The following CADM2 variants were observed in gnomAD, a reference collection of about 807,000 sequenced individuals.
CADM2 encodes immunoglobulin superfamily member 4D.
A neutral mutation model predicts 49.8 loss-of-function variants in CADM2; 12 were observed. The observed-to-expected ratio is 0.24, with a 90% CI of 0.15 to 0.39. The LOEUF (loss-of-function observed/expected upper bound fraction) is 0.39, where lower values mean the gene tolerates loss of function less well. Ranked by LOEUF, CADM2 falls within the 10% of genes least tolerant of loss-of-function variation. The pLI is 1.00. For missense variants in CADM2, 378 were observed against 492.3 expected (o/e 0.77, Z 2.20); for synonymous variants, 214 against 175.4 (o/e 1.22, Z -1.74).
intron 8 of CADM2, among the ~76,000 whole-genome samples, chr3:85,971,798 A>G (rs940025939): frequency 6.6e-6 from 1 of 151,612 alleles, no homozygotes; most frequent in African/African-American, 2.4e-5. Context: ...AAATGCATAC[A>G]TTTTTTCAAA....
chr3:85,593,093 C>A (rs2063150952), intron 1 of CADM2, among the ~76,000 whole-genome samples: 2 of 151,936 alleles, frequency 1.3e-5, no homozygotes, highest in African/African-American at 4.8e-5. Context: ...TTTATTTGAA[C>A]ATGGCTTTTA....
At chr3:85,190,297 T>G (rs1223811564) in intron 1 of CADM2, among the ~76,000 whole-genome samples, 1 of 152,092 alleles carries the variant, frequency 6.6e-6, no homozygotes, top group African/African-American at 2.4e-5. Context: ...GTATTTTTCT[T>G]CTCTCCTTTT....
Position 85,359,671 on chromosome 3 carries a change from T to A in CADM2, c.62-366851T>A, listed in dbSNP as rs867006011. ...ATATATATATATATATATATATTTT[T>A]TTTTTTGGTGGAGGGGAGAAGACAA... On this transcript the variant is annotated intron_variant, in intron 1 of 9. Coordinates refer to ENST00000383699, the MANE Select transcript of CADM2 (RefSeq NM_001167675.2). Among the ~76,000 whole-genome samples, 526 of 119,290 alleles carry A rather than the reference T, an allele frequency of 4.4e-3. 7 individuals carry two copies. The highest frequency in any genetic ancestry group is 0.016 in the African/African-American group (513 of 32,306). 78.3% of individuals were successfully genotyped at this position (119,290 alleles called of 152,430 possible).
At chr3:85,766,702 T>C (rs774556367) in intron 2 of CADM2, among the ~76,000 whole-genome samples, 15 of 152,210 alleles carry the variant, frequency 9.9e-5, no homozygotes, top group Non-Finnish European at 1.8e-4. Context: ...TTTCCTGAAA[T>C]GCTTCTGATA....
chr3:85,067,768 A>G (rs1427918203), intron 1 of CADM2, among the ~76,000 whole-genome samples: 2 of 152,180 alleles, frequency 1.3e-5, no homozygotes, highest in African/African-American at 2.4e-5. Context: ...AATTAATCTA[A>G]GCTGCCTTTA....
intron 1 of CADM2, among the ~76,000 whole-genome samples, chr3:85,390,694 G>A (rs910455015): frequency 1.3e-5 from 2 of 151,974 alleles, no homozygotes; most frequent in East Asian, 3.9e-4. Context: ...AATATAAAAT[G>A]CATTTCAGTT....
At chr3:85,592,407 A>C (rs1163152756) in intron 1 of CADM2, among the ~76,000 whole-genome samples, 1 of 152,004 alleles carries the variant, frequency 6.6e-6, no homozygotes, top group Non-Finnish European at 1.5e-5. Context: ...TGGCTCCTTA[A>C]CACCAAATTC....
intron 1 of CADM2, among the ~76,000 whole-genome samples, chr3:84,980,895 G>A (rs1414111886): frequency 6.6e-6 from 1 of 152,054 alleles, no homozygotes; most frequent in African/African-American, 2.4e-5. Flanking sequence ...GTTAGATCCA[G>A]AATTTATATT....
At chr3:85,541,297 C>G (rs572691821) in intron 1 of CADM2, among the ~76,000 whole-genome samples, 1 of 151,174 alleles carries the variant, frequency 6.6e-6, no homozygotes, top group South Asian at 2.1e-4. Context: ...CACATGCATA[C>G]ACACACGTCT....
At chr3:85,656,688 A>G (rs1262173779) in intron 1 of CADM2, among the ~76,000 whole-genome samples, 1 of 152,128 alleles carries the variant, frequency 6.6e-6, no homozygotes, top group Non-Finnish European at 1.5e-5. Flanking sequence ...TACATGTTCA[A>G]GAAAAATATT....
intron 1 of CADM2, among the ~76,000 whole-genome samples, chr3:85,321,116 A>ATATT (rs2044596196): frequency 3.2e-3 from 87 of 27,490 alleles, no homozygotes; most frequent in Middle Eastern, 0.025. Flanking sequence ...ATATATATAT[A>ATATT]TTTTTTTTTT....
intron 1 of CADM2, among the ~76,000 whole-genome samples, chr3:85,116,561 T>C (rs2107580835): frequency 6.6e-6 from 1 of 152,366 alleles, no homozygotes; most frequent in East Asian, 1.9e-4. Context: ...CGTTTGATTA[T>C]ATCAAACTTC....
intron 1 of CADM2, among the ~76,000 whole-genome samples, chr3:85,060,348 A>G (rs2036258442): frequency 6.6e-6 from 1 of 151,968 alleles, no homozygotes; most frequent in African/African-American, 2.4e-5. Context: ...GCTGGTCTCG[A>G]ACTCCTGACC....
intron 5 of CADM2, among the ~76,000 whole-genome samples, chr3:85,888,197 G>T (rs1281484782): frequency 6.6e-6 from 1 of 150,586 alleles, no homozygotes. Flanking sequence ...CCTCAAGGAG[G>T]TCATACACTT....
At chr3:85,281,752 G>C (rs1485946541) in intron 1 of CADM2, among the ~76,000 whole-genome samples, 1 of 152,076 alleles carries the variant, frequency 6.6e-6, no homozygotes, top group Non-Finnish European at 1.5e-5. Flanking sequence ...TGGTTGAGTA[G>C]TTGCAGATTT....
In CADM2 at chr3:85,271,642, T is replaced by C. The variant is rs1036924637; in HGVS notation, c.61+311974T>C. Among the ~76,000 whole-genome samples the C allele has an allele frequency of 4.0e-5, 6 of 151,200 alleles. No homozygotes were observed. In the East Asian group the frequency reaches 9.8e-4, roughly 25 times the overall value. ...ATCTCTAATTTGTCAGGCCCAGGTG[T>C]CAAAATTTGAATAGCACATACAGTA... On this transcript the variant is annotated intron_variant, in intron 1 of 9. Transcript: ENST00000383699.
At chr3:84,994,747 G>A (rs896579068) in intron 1 of CADM2, among the ~76,000 whole-genome samples, 5 of 152,086 alleles carry the variant, frequency 3.3e-5, no homozygotes, top group East Asian at 1.9e-4. Flanking sequence ...ACAAGTGTTC[G>A]GCTGGGCGTG....
At chr3:85,916,763 G>A (rs1184952836) in intron 6 of CADM2, among the ~76,000 whole-genome samples, 2 of 151,982 alleles carry the variant, frequency 1.3e-5, no homozygotes, top group Admixed American at 6.6e-5. Context: ...TTCCACAATG[G>A]TTGAACTAGT....
intron 8 of CADM2, among the ~76,000 whole-genome samples, chr3:86,007,911 G>A (rs959161498): frequency 2.0e-5 from 3 of 152,022 alleles, no homozygotes; most frequent in African/African-American, 4.8e-5. Flanking sequence ...CTTGTTCTTC[G>A]TTTTATTGAA....
Sources: gnomAD v4.1 joint callset for allele counts (sites outside exome capture counted in the v4.1 genomes callset) on GRCh38, gnomAD v4.1.1 for gene constraint, MANE v1.5 for transcripts, NCBI Gene and HGNC (gene_info 2026-07-23, HGNC 2026-07-21) for gene names.